The following WDR59 variants were observed in gnomAD, a reference collection of about 807,000 sequenced individuals.
WDR59 encodes the protein GATOR2 complex protein WDR59.
WDR59 carries 100 observed loss-of-function variants against 131.2 expected under a neutral mutation model. The observed-to-expected ratio is 0.76, with a 90% CI of 0.65 to 0.90. The LOEUF (loss-of-function observed/expected upper bound fraction) is 0.90. Among genes scored for constraint, WDR59 ranks in the 40% least tolerant of loss-of-function variants. The pLI is 0.00. For missense variants in WDR59, 1,203 were observed against 1,262.2 expected (o/e 0.95, Z 0.71); for synonymous variants, 601 against 466.2 (o/e 1.29, Z -3.72).
At chr16:74,880,171 G>A (rs1964409666) in intron 25 of WDR59, among the ~76,000 whole-genome samples, 1 of 152,166 alleles carries the variant, frequency 6.6e-6, no homozygotes. Flanking sequence ...GATACGGCCG[G>A]GTGCAGTGGC....
At chr16:74,940,382 A>C (rs951473124) in intron 7 of WDR59, among the ~76,000 whole-genome samples, 9 of 149,206 alleles carry the variant, frequency 6.0e-5, no homozygotes, top group African/African-American at 2.2e-4. Flanking sequence ...CTGTCTCCCA[A>C]AAAAAAAAAA....
At chr16:74,918,098 A>G in intron 10 of WDR59, 90 bp from the exon 11 acceptor site, 3 of 1,287,524 alleles carry the variant, frequency 2.3e-6, no homozygotes, top group Non-Finnish European at 3.4e-6. Context: ...TCATCCATCC[A>G]TTCAACAAAC....
intron 8 of WDR59, among the ~76,000 whole-genome samples, chr16:74,928,922 G>A (rs2031127419): frequency 6.6e-6 from 1 of 151,992 alleles, no homozygotes; most frequent in South Asian, 2.1e-4. Context: ...AAAAATAAAA[G>A]AGACAATACA....
chr16:74,935,121 G>A (rs1321769014), intron 8 of WDR59, among the ~76,000 whole-genome samples: 1 of 151,916 alleles, frequency 6.6e-6, no homozygotes, highest in Non-Finnish European at 1.5e-5. Flanking sequence ...CCCAGCTACT[G>A]AGGGAGGCTG....
At chr16:74,965,639 G>A in intron 2 of WDR59, 134 bp downstream of exon 2, 1 of 1,057,006 alleles carries the variant, frequency 9.5e-7, no homozygotes, top group South Asian at 1.4e-5. Context: ...GTAGCCCTGA[G>A]GCAAACAGGA....
chr16:74,930,893 A>AG (rs2031323409), intron 8 of WDR59: 1 of 2,890 alleles, frequency 3.5e-4, no homozygotes, highest in African/African-American at 5.2e-4. Context: ...ACTCCATCTC[A>AG]AAAAAAAAAA....
chr16:74,938,669 T>C (rs1422185330), intron 7 of WDR59, among the ~76,000 whole-genome samples: 1 of 152,132 alleles, frequency 6.6e-6, no homozygotes, highest in East Asian at 1.9e-4. Flanking sequence ...TCCAAGTAGC[T>C]GGGACTACAG....
intron 1 of WDR59, among the ~76,000 whole-genome samples, chr16:74,972,822 A>T (rs1425505802): frequency 0.014 from 140 of 9,742 alleles, 1 homozygote; most frequent in Non-Finnish European, 3.6e-3. Context: ...ACTCTGTCTT[A>T]AAAAAAAAAA....
At chr16:74,963,820 C>A (rs1357500115) in intron 2 of WDR59, among the ~76,000 whole-genome samples, 1 of 151,844 alleles carries the variant, frequency 6.6e-6, no homozygotes, top group African/African-American at 2.4e-5. Flanking sequence ...TTGCTTGAGT[C>A]TGGGATGTCA....
chr16:74,944,949 C>T (rs2032503197), intron 6 of WDR59, among the ~76,000 whole-genome samples: 1 of 151,754 alleles, frequency 6.6e-6, no homozygotes, highest in African/African-American at 2.4e-5. Context: ...TATGGTGAAA[C>T]CCCATCTCTA....
rs1457236543 is a variant in WDR59 at position 74,922,017 on chromosome 16, G to A, written c.816C>T (p.Asn272=). 2 of 1,614,210 alleles carry A rather than the reference G, an allele frequency of 1.2e-6. No individual in the cohort carries two copies. Among genetic ancestry groups the A allele is most frequent in the East Asian group, 2.2e-5 (1 of 44,892 alleles). The change falls in exon 10 of 26, where the codon AAC becomes AAT. Residue 272 remains asparagine, a synonymous_variant. Transcript: ENST00000262144. ...GCCCCACGAAGGTGTGGACTGGGGT[G>A]TTCAAGTCAAAGACATTCCACAGGA... The part of the protein sequence containing the change: ...SLLLWNVFDL[N]TPVHTFVGHD...
chr16:74,969,019 C>T (rs562579947), intron 1 of WDR59, among the ~76,000 whole-genome samples: 1 of 152,098 alleles, frequency 6.6e-6, no homozygotes, highest in African/African-American at 2.4e-5. Flanking sequence ...GCAATCCAAG[C>T]CCTCTCCACC....
At chr16:74,886,201 T>A in intron 24 of WDR59, 69 bp downstream of exon 24, 1 of 1,066,380 alleles carries the variant, frequency 9.4e-7, no homozygotes, top group Non-Finnish European at 1.3e-6. Context: ...GTAAGAGTTG[T>A]GATTGTGGAG....
rs533730230 is a variant in WDR59, at chr16:74,871,505, G to A, written c.*2704C>T. On this transcript the variant is annotated 3_prime_UTR_variant, in exon 26 of 26. Coordinates refer to ENST00000262144, the MANE Select transcript of WDR59 (RefSeq NM_030581.4). The stretch of plus-strand genomic sequence containing the variant: ...ACTTGGAAATTCAAAAGGAATTTCC[G>A]TATTGAAGGATGACATTATGTAATA... 4.1e-4 allele frequency: 63 copies of A among 152,280 alleles called. No homozygotes were observed. The highest frequency in any genetic ancestry group is 1.5e-3 in the African/African-American group (61 of 41,574). The allele number at this position is 152,280 out of a possible 1,614,324, so 9.4% of individuals were successfully genotyped here.
intron 18 of WDR59, among the ~76,000 whole-genome samples, chr16:74,896,220 A>G (rs1965290630): frequency 6.6e-6 from 1 of 152,222 alleles, no homozygotes; most frequent in South Asian, 2.1e-4. Flanking sequence ...TTTATTCCAA[A>G]AAGAGAATGA....
At position 74,871,382 on chromosome 16, in the gene WDR59, A is replaced by G. The variant is rs918410070; in HGVS notation, c.*2827T>C. ...AAGACTCAGGTGCTTGTAATCATCTATTCTGCGGCTGAGAGAATATCGGCC... is the reference window on the plus strand; with the variant it reads ...AAGACTCAGGTGCTTGTAATCATCTGTTCTGCGGCTGAGAGAATATCGGCC... On this transcript the variant is annotated 3_prime_UTR_variant, in exon 26 of 26. Coordinates refer to ENST00000262144, the MANE Select transcript of WDR59 (RefSeq NM_030581.4). 5 of 152,224 alleles carry G rather than the reference A, an allele frequency of 3.3e-5. No individual in the cohort carries two copies. The highest frequency in any genetic ancestry group is 4.8e-5 in the African/African-American group (2 of 41,460). The allele number at this position is 152,224 out of a possible 1,614,324, so 9.4% of individuals were successfully genotyped here.
intron 2 of WDR59, among the ~76,000 whole-genome samples, chr16:74,961,904 AG>A (rs1247387169): frequency 6.6e-6 from 1 of 152,096 alleles, no homozygotes; most frequent in Non-Finnish European, 1.5e-5. Flanking sequence ...ATTTTCTTCT[AG>A]GGTTTTTATA....
chr16:74,977,609 A>AC (rs1419727058), intron 1 of WDR59, among the ~76,000 whole-genome samples: 3 of 151,956 alleles, frequency 2.0e-5, no homozygotes, highest in Non-Finnish European at 4.4e-5. Flanking sequence ...AATGGCGTGA[A>AC]CCCGGGAGGC....
intron 1 of WDR59, among the ~76,000 whole-genome samples, chr16:74,971,426 C>CTTTTTTTT (rs58120924): frequency 1.6e-3 from 145 of 90,164 alleles, no homozygotes; most frequent in Non-Finnish European, 1.9e-3. Context: ...TCTTTCCTTC[C>CTTTTTTTT]TTTTTTTTTT....
Sources: gnomAD v4.1 joint callset for allele counts (sites outside exome capture counted in the v4.1 genomes callset) on GRCh38, gnomAD v4.1.1 for gene constraint, MANE v1.5 for transcripts, NCBI Gene and HGNC (gene_info 2026-07-23, HGNC 2026-07-21) for gene names.